TENM2: variants seen among roughly 807,000 people sequenced by gnomAD.
TENM2 encodes teneurin transmembrane protein 2, also known as teneurin-2.
A neutral mutation model predicts 245.2 loss-of-function variants in TENM2; 52 were observed. The observed-to-expected ratio is 0.21, with a 90% CI of 0.17 to 0.27. The LOEUF is 0.27. Ranked by LOEUF, TENM2 falls within the 10% of genes least tolerant of loss-of-function variation. The probability of loss-of-function intolerance (pLI) is 1.00; values close to 1 mark genes in which losing one functional copy is unlikely to be tolerated. For synonymous variants in TENM2, 1,363 were observed against 1,438.9 expected (o/e 0.95, Z 1.19); for missense variants, 3,046 against 3,666.8 (o/e 0.83, Z 4.37).
At chr5:167,727,359 G>C (rs377729033) in intron 2 of TENM2, among the ~76,000 whole-genome samples, 78 of 152,140 alleles carry the variant, frequency 5.1e-4, no homozygotes, top group African/African-American at 1.9e-3. Context: ...TGATCCTCCC[G>C]CCTCAGCCTC....
the TENM2 span, among the ~76,000 whole-genome samples, chr5:167,128,338 C>A: frequency 6.6e-6 from 1 of 152,180 alleles, no homozygotes; most frequent in African/African-American, 2.4e-5. Context: ...CTTTCCACCT[C>A]TTGCCACTTC....
At chr5:167,598,745 T>C (rs1776392160) in intron 2 of TENM2, among the ~76,000 whole-genome samples, 1 of 151,180 alleles carries the variant, frequency 6.6e-6, no homozygotes, top group South Asian at 2.1e-4. Context: ...TCAGAGTTTG[T>C]TTTTGTTTTT....
At chr5:167,072,111 G>C in the TENM2 span, among the ~76,000 whole-genome samples, 1 of 152,132 alleles carries the variant, frequency 6.6e-6, no homozygotes, top group East Asian at 1.9e-4. Context: ...AGCCAAGCTT[G>C]CACTTCCCAG....
At chr5:167,977,992 G>T (rs1782566861) in intron 4 of TENM2, among the ~76,000 whole-genome samples, 2 of 152,084 alleles carry the variant, frequency 1.3e-5, no homozygotes, top group Non-Finnish European at 2.9e-5. Flanking sequence ...ATTAGTTCCT[G>T]CAAGATCTGA....
chr5:167,761,820 C>T (rs1313957466), intron 2 of TENM2, among the ~76,000 whole-genome samples: 1 of 152,176 alleles, frequency 6.6e-6, no homozygotes, highest in Non-Finnish European at 1.5e-5. Flanking sequence ...TGCCATTCCT[C>T]CTTCCATAGA....
chr5:168,072,583 C>T (rs973050119), intron 7 of TENM2, among the ~76,000 whole-genome samples: 4 of 152,100 alleles, frequency 2.6e-5, no homozygotes, highest in Non-Finnish European at 5.9e-5. Context: ...TAGGGAGGGT[C>T]GTGAGATGCA....
intron 2 of TENM2, among the ~76,000 whole-genome samples, chr5:167,848,013 C>A (rs1770208424): frequency 6.6e-6 from 1 of 152,156 alleles, no homozygotes. Flanking sequence ...AATATATGTT[C>A]ATTCTTCTAG....
chr5:168,088,735 G>A (rs1792674222), intron 7 of TENM2, among the ~76,000 whole-genome samples: 1 of 152,180 alleles, frequency 6.6e-6, no homozygotes, highest in South Asian at 2.1e-4. Flanking sequence ...AACAGTAAGT[G>A]ACAGAGTCAG....
chr5:168,104,763 G>A (rs1019920646), intron 9 of TENM2, among the ~76,000 whole-genome samples: 3 of 152,118 alleles, frequency 2.0e-5, no homozygotes, highest in Middle Eastern at 3.2e-3. Context: ...TCACAATCTC[G>A]GGGGCCCTGA....
chr5:167,391,326 AG>A (rs1761740147), intron 2 of TENM2, among the ~76,000 whole-genome samples: 1 of 152,114 alleles, frequency 6.6e-6, no homozygotes, highest in South Asian at 2.1e-4. Context: ...AGTTGAGAAA[AG>A]AAAAGCAAGA....
At chr5:168,206,823 G>C (rs1021779741) in intron 19 of TENM2, among the ~76,000 whole-genome samples, 2 of 152,092 alleles carry the variant, frequency 1.3e-5, no homozygotes, top group African/African-American at 4.8e-5. Context: ...AGGAAAAAAG[G>C]GTGGAAATAT....
intron 3 of TENM2, among the ~76,000 whole-genome samples, chr5:167,925,602 G>A (rs1050040129): frequency 5.3e-5 from 8 of 152,288 alleles, no homozygotes; most frequent in African/African-American, 1.9e-4. Flanking sequence ...TCCCATTACT[G>A]GGTATATAAC....
At chr5:168,021,557 GTA>G (rs1786146465) in intron 5 of TENM2, among the ~76,000 whole-genome samples, 1 of 152,032 alleles carries the variant, frequency 6.6e-6, no homozygotes, top group South Asian at 2.1e-4. Flanking sequence ...TCTTTACTCT[GTA>G]TCTGAATATT....
intron 1 of TENM2, among the ~76,000 whole-genome samples, chr5:167,348,448 T>G (rs929399602): frequency 2.6e-5 from 4 of 152,142 alleles, no homozygotes; most frequent in African/African-American, 9.7e-5. Context: ...CAAGGGGCGC[T>G]TATCCTGGCG....
At chr5:167,702,552 G>GTGTATATATATATATATA (rs58351767) in intron 2 of TENM2, among the ~76,000 whole-genome samples, 1 of 136,782 alleles carries the variant, frequency 7.3e-6, no homozygotes, top group Non-Finnish European at 1.5e-5. Context: ...GTGTGTGTGT[G>GTGTATATATATATATATA]TATATATATA....
At chr5:167,316,270 T>C (rs1182230605) in intron 1 of TENM2, among the ~76,000 whole-genome samples, 1 of 152,220 alleles carries the variant, frequency 6.6e-6, no homozygotes, top group Non-Finnish European at 1.5e-5. Context: ...TAAATATTTG[T>C]TGAGTGAGAG....
chr5:167,093,091 T>C, the TENM2 span, among the ~76,000 whole-genome samples: 1 of 152,076 alleles, frequency 6.6e-6, no homozygotes, highest in Non-Finnish European at 1.5e-5. Context: ...CTAGAAAATA[T>C]GGGAGAGTCC....
chr5:168,024,852 C>A (rs1003899591), intron 5 of TENM2, among the ~76,000 whole-genome samples: 7 of 152,090 alleles, frequency 4.6e-5, no homozygotes, highest in Non-Finnish European at 1.0e-4. Context: ...TCCTTAGCTG[C>A]AAAAAGTATA....
chr5:167,130,383 T>G, the TENM2 span, among the ~76,000 whole-genome samples: 1 of 152,198 alleles, frequency 6.6e-6, no homozygotes, highest in African/African-American at 2.4e-5. Flanking sequence ...CAGGCCTACT[T>G]CTAAGCGCTT....
Sources: allele counts gnomAD v4.1 joint callset (sites outside exome capture counted in the v4.1 genomes callset), GRCh38; gene constraint gnomAD v4.1.1; transcripts MANE v1.5; gene names NCBI Gene and HGNC (gene_info 2026-07-23, HGNC 2026-07-21).